The following ANKRD24 variants were observed in gnomAD, a reference collection of about 807,000 sequenced individuals.
The protein encoded by ANKRD24 is ankyrin repeat domain 24.
ANKRD24 carries 109 observed loss-of-function variants against 127.8 expected under a neutral mutation model. That is an observed-to-expected ratio of 0.85 (90% CI 0.73 to 1.00). The LOEUF (loss-of-function observed/expected upper bound fraction) is 1.00, where lower values mean the gene tolerates loss of function less well. Among genes scored for constraint, ANKRD24 ranks in the 50% least tolerant of loss-of-function variants. ANKRD24 has a pLI of 0.00. For synonymous variants in ANKRD24, 743 were observed against 671.1 expected, an observed-to-expected ratio of 1.11 and a Z score of -1.66; for missense variants, 1,648 against 1,570.2, an observed-to-expected ratio of 1.05 and a Z score of -0.84.
chr19:4,186,550 C>A, intron 2 of ANKRD24, 89 bp downstream of exon 2: 2 of 1,386,370 alleles, frequency 1.4e-6, no homozygotes, highest in South Asian at 1.2e-5. Context: ...CCCTTTCATT[C>A]CAGTACCCAC....
Position 4,199,679 on chromosome 19 carries a change from G to A in ANKRD24, c.37-4G>A, listed in dbSNP as rs928428310. ...CCCTCGCCCAGGACCACCTCCCCCTGCAGCTGCGGCTCAGCCCCACTGACC... is the reference window on the plus strand; with the variant it reads ...CCCTCGCCCAGGACCACCTCCCCCTACAGCTGCGGCTCAGCCCCACTGACC... On this transcript the variant is annotated splice_region_variant and splice_polypyrimidine_tract_variant and intron_variant, in intron 2 of 21. Transcript: ENST00000318934. The surrounding 1 kb of genome is among the most constrained non-coding windows in gnomAD (Gnocchi z 5.2). 3 of 1,525,856 alleles carry A rather than the reference G, an allele frequency of 2.0e-6. No homozygotes were observed. Among genetic ancestry groups the A allele is most frequent in the Admixed American group, 2.2e-5 (1 of 45,646 alleles). The allele number at this position is 1,525,856 out of a possible 1,614,324, so 94.5% of individuals were successfully genotyped here.
At chr19:4,184,965 T>TGCTTGG (rs1967973446) in intron 1 of ANKRD24, among the ~76,000 whole-genome samples, 1 of 105,114 alleles carries the variant, frequency 9.5e-6, no homozygotes, top group Admixed American at 1.1e-4. Context: ...GGTGGATGGA[T>TGCTTGG]GCACTGGTGG....
chr19:4,202,005 A>C, intron 5 of ANKRD24, 21 bp from the exon 6 acceptor site: 2 of 1,612,632 alleles, frequency 1.2e-6, no homozygotes, highest in Non-Finnish European at 1.7e-6. Context: ...GAGCTCCAGT[A>C]AATCTTCTTT....
intron 7 of ANKRD24, among the ~76,000 whole-genome samples, chr19:4,204,187 G>C (rs532111310): frequency 6.8e-6 from 1 of 146,008 alleles, no homozygotes; most frequent in African/African-American, 2.5e-5. Flanking sequence ...GGATGGTCTT[G>C]ATCTCCTGAC....
chr19:4,215,775 CA>C (rs71166978), intron 15 of ANKRD24, among the ~76,000 whole-genome samples: 50 of 141,336 alleles, frequency 3.5e-4, no homozygotes, highest in South Asian at 1.1e-3. Flanking sequence ...ACCCTGGCTC[CA>C]AAAAAAAAAA....
chr19:4,183,467 CAT>C (rs1967858989), intron 1 of ANKRD24: 2 of 490,470 alleles, frequency 4.1e-6, no homozygotes, highest in South Asian at 8.7e-5. Flanking sequence ...TGGACACAAA[CAT>C]GTGACCAGGT....
chr19:4,217,486 G>A lies in ANKRD24; in HGVS notation c.2326G>A (p.Ala776Thr). ...TGTCCGCGAGGCCGAGGGCAGCGGG[G>A]CCAGCGGGGGCGGTGGCGGTGACAC... The part of the protein sequence containing the change: ...ERVREAEGSG[A>T]SGGGGGDTTQ... The change falls in exon 18 of 22, where the codon GCC (alanine) becomes ACC (threonine). Residue 776 changes from alanine (A) to threonine (T), a missense_variant. Physicochemically the swap from Ala to Thr is moderately conservative, Grantham distance 58. Coordinates refer to ENST00000318934, the MANE Select transcript of ANKRD24 (RefSeq NM_001393985.1). 1.4e-6 allele frequency: 2 copies of A among 1,419,620 alleles called. No individual in the cohort carries two copies. The highest frequency in any genetic ancestry group is 1.8e-6 in the Non-Finnish European group (2 of 1,091,950). The allele number at this position is 1,419,620 out of a possible 1,614,324, so 87.9% of individuals were successfully genotyped here. A position where few individuals can be genotyped will look rare whatever the true frequency, so the allele number is the denominator to read the frequency against.
chr19:4,211,264 A>G (rs1390457492), intron 13 of ANKRD24, among the ~76,000 whole-genome samples: 1 of 152,130 alleles, frequency 6.6e-6, no homozygotes, highest in African/African-American at 2.4e-5. Flanking sequence ...GGCGTCGTCA[A>G]TATTGATTGG....
chr19:4,217,329 A>G lies in ANKRD24; in HGVS notation c.2169A>G (p.Val723=), dbSNP rs1970160117. The change falls in exon 18 of 22, where the codon GTA becomes GTG. Residue 723 remains valine (V), a synonymous_variant. Coordinates refer to ENST00000318934, the MANE Select transcript of ANKRD24 (RefSeq NM_001393985.1). The stretch of plus-strand genomic sequence containing the variant: ...CAGAGGCCTCGGAAAAGCTTCAAGT[A>G]GAGCTGGAGACCAGGATCCGTGGCT... ...GAAEASEKLQ[V]ELETRIRGLE... is the part of the protein sequence containing the mutation. The G allele has an allele frequency of 1.3e-6, 2 of 1,551,820 alleles. No homozygotes were observed. The highest frequency in any genetic ancestry group is 4.9e-5 in the East Asian group (2 of 40,922).
At chr19:4,219,231 A>T (rs1218022459) in intron 18 of ANKRD24, among the ~76,000 whole-genome samples, 1 of 152,028 alleles carries the variant, frequency 6.6e-6, no homozygotes, top group African/African-American at 2.4e-5. Context: ...GGTTGCAGTG[A>T]GCTGAGATTA....
intron 7 of ANKRD24, among the ~76,000 whole-genome samples, chr19:4,205,894 G>A (rs564438323): frequency 1.3e-5 from 2 of 152,034 alleles, no homozygotes; most frequent in South Asian, 2.1e-4. Context: ...TGTAATCCCA[G>A]CACTTTGGGA....
Position 4,199,847 on chromosome 19 carries a change from C to T in ANKRD24, c.124-28C>T. 6.4e-7 allele frequency: 1 copy of T among 1,552,608 alleles called. No individual in the cohort carries two copies. Among genetic ancestry groups the T allele is most frequent in the South Asian group, 1.2e-5 (1 of 84,274 alleles). ...GGGAGGGGACAGCAGCCAACACTGC[C>T]CCACGCACTTCTGGGCGTGCCCTGC... On this transcript the variant is annotated intron_variant, in intron 3 of 21. Coordinates refer to ENST00000318934, the MANE Select transcript of ANKRD24 (RefSeq NM_001393985.1). The surrounding 1 kb of genome is among the most constrained non-coding windows in gnomAD (Gnocchi z 5.2).
intron 5 of ANKRD24, among the ~76,000 whole-genome samples, 155 bp downstream of exon 5, chr19:4,200,326 CAG>C (rs1429603133): frequency 6.6e-6 from 1 of 152,080 alleles, no homozygotes; most frequent in Non-Finnish European, 1.5e-5. Context: ...GGGAGACACA[CAG>C]GGGCATGTTA....
In ANKRD24 at chr19:4,217,614, T is replaced by G; in HGVS notation, c.2454T>G (p.Ala818=). ...CGGCCTCGGCCTGCCTGGATGAGGC[T>G]CGGGCCAGCCGGCTGCTGGCGGAGG... is the stretch of plus-strand genomic sequence containing the variant. The part of the protein sequence containing the change: ...LEAASACLDE[A]RASRLLAEEE... Residue 818 remains alanine, a synonymous_variant, in exon 18 of 22, where the codon GCT becomes GCG. Coordinates refer to ENST00000318934, the MANE Select transcript of ANKRD24 (RefSeq NM_001393985.1). 2 of 1,290,282 alleles carry G rather than the reference T, an allele frequency of 1.6e-6. No individual in the cohort carries two copies. The highest frequency in any genetic ancestry group is 2.0e-6 in the Non-Finnish European group (2 of 1,022,928). The allele number at this position is 1,290,282 out of a possible 1,614,324, so 79.9% of individuals were successfully genotyped here. A position where few individuals can be genotyped will look rare whatever the true frequency, so the allele number is the denominator to read the frequency against.
At chr19:4,186,814 G>T (rs547068988) in intron 2 of ANKRD24, among the ~76,000 whole-genome samples, 1 of 152,114 alleles carries the variant, frequency 6.6e-6, no homozygotes, top group East Asian at 1.9e-4. Flanking sequence ...CGAGGATCCT[G>T]ATCTTTTGCT....
At chr19:4,216,527 C>A in intron 17 of ANKRD24, 23 bp from the exon 18 acceptor site, 1 of 1,586,532 alleles carries the variant, frequency 6.3e-7, no homozygotes, top group Non-Finnish European at 8.6e-7. Context: ...TGCCAGACTC[C>A]TGCCCCCCAC....
chr19:4,222,269 G>A (rs144151625), intron 19 of ANKRD24, among the ~76,000 whole-genome samples: 6,134 of 152,222 alleles, frequency 0.04, 324 homozygotes, highest in African/African-American at 0.12. Context: ...GGCACCTGTA[G>A]TCCCAGCTAC....
intron 2 of ANKRD24, among the ~76,000 whole-genome samples, chr19:4,197,312 A>C (rs1210200781): frequency 6.6e-6 from 1 of 152,078 alleles, no homozygotes; most frequent in African/African-American, 2.4e-5. Context: ...GGATGAGGCA[A>C]TGAGTGAATG....
chr19:4,189,556 G>GTT (rs35456385), intron 2 of ANKRD24, among the ~76,000 whole-genome samples: 33 of 146,822 alleles, frequency 2.2e-4, no homozygotes, highest in South Asian at 2.1e-3. Context: ...CCGGCCCTAA[G>GTT]TTTTTTTTTT....
Sources: gnomAD v4.1 joint callset for allele counts (sites outside exome capture counted in the v4.1 genomes callset) on GRCh38, gnomAD v4.1.1 for gene constraint, Gnocchi (gnomAD v3.1) non-coding constraint, MANE v1.5 for transcripts, NCBI Gene and HGNC (gene_info 2026-07-23, HGNC 2026-07-21) for gene names.